CSMD3: variants seen among roughly 807,000 people sequenced by gnomAD.
CSMD3 encodes the protein CUB and Sushi multiple domains 3, also known as CUB and sushi domain-containing protein 3.
Under a neutral mutation model 435.2 loss-of-function variants are expected in CSMD3, and 177 were observed. That is an observed-to-expected ratio of 0.41 (90% confidence interval 0.36 to 0.46). The LOEUF (loss-of-function observed/expected upper bound fraction) is 0.46. CSMD3 is among the 20% of genes least tolerant of loss of function. The pLI is 0.34. For missense variants in CSMD3, 4,265 were observed against 4,504.6 expected (o/e 0.95, Z 1.52); for synonymous variants, 1,656 against 1,520.5 (o/e 1.09, Z -2.07).
intron 3 of CSMD3, among the ~76,000 whole-genome samples, chr8:113,224,749 C>T (rs1472059514): frequency 1.3e-5 from 2 of 150,928 alleles, no homozygotes; most frequent in Non-Finnish European, 3.0e-5. Context: ...AGAGGAGAGG[C>T]AATAGATGTG....
intron 5 of CSMD3, among the ~76,000 whole-genome samples, chr8:113,047,635 A>C (rs1346196754): frequency 6.6e-6 from 1 of 152,236 alleles, no homozygotes; most frequent in Non-Finnish European, 1.5e-5. Flanking sequence ...AGATGCAAGT[A>C]TCTTGTGATA....
intron 5 of CSMD3, among the ~76,000 whole-genome samples, chr8:113,035,555 T>C (rs2131262400): frequency 6.6e-6 from 1 of 152,036 alleles, no homozygotes; most frequent in East Asian, 1.9e-4. Flanking sequence ...AAATATTTAA[T>C]ATCTTTATTG....
chr8:112,594,101 A>T (rs1365208685), intron 22 of CSMD3, among the ~76,000 whole-genome samples: 3 of 152,132 alleles, frequency 2.0e-5, no homozygotes, highest in African/African-American at 7.2e-5. Context: ...TTTCCATCTG[A>T]GGTACCGGGT....
chr8:113,097,653 T>C (rs2090205051), intron 5 of CSMD3, among the ~76,000 whole-genome samples: 2 of 152,156 alleles, frequency 1.3e-5, no homozygotes, highest in Non-Finnish European at 2.9e-5. Flanking sequence ...ATAAGAAATA[T>C]AGTTGTCTAG....
rs2076939447 is a variant in CSMD3 at position 112,725,294 on chromosome 8, T to A, written c.1973-35244A>T. Among the ~76,000 whole-genome samples, 3 of 151,950 alleles carry A rather than the reference T, an allele frequency of 2.0e-5. No individual in the cohort carries two copies. In the South Asian group the frequency reaches 6.2e-4, roughly 31 times the overall value. ...GTAGGTTAGAAATAGTGGGGTTTAG[T>A]GTGCTAGTGGAAAGGAGTAGCTTTA... On this transcript the variant is annotated intron_variant, in intron 13 of 70. Transcript: ENST00000297405.
chr8:112,463,282 A>G (rs1337174855), intron 32 of CSMD3, among the ~76,000 whole-genome samples: 2 of 152,222 alleles, frequency 1.3e-5, no homozygotes, highest in Non-Finnish European at 2.9e-5. Flanking sequence ...GAATCACTTG[A>G]ACCCAAGAGG....
chr8:113,414,131 C>A (rs938387381), intron 1 of CSMD3, among the ~76,000 whole-genome samples: 1 of 152,156 alleles, frequency 6.6e-6, no homozygotes, highest in African/African-American at 2.4e-5. Flanking sequence ...AGGATAAGAT[C>A]TAGCTGTGCT....
intron 50 of CSMD3, chr8:112,310,711 T>G: frequency 3.9e-6 from 2 of 507,134 alleles, no homozygotes; most frequent in South Asian, 4.0e-5. Context: ...GTAACTGGAA[T>G]GGAGGATGTA....
chr8:112,345,842 A>G (rs1221194856), intron 41 of CSMD3, among the ~76,000 whole-genome samples: 1 of 150,824 alleles, frequency 6.6e-6, no homozygotes, highest in Non-Finnish European at 1.5e-5. Context: ...TTATTTGTCA[A>G]TTAAAAAATA....
At chr8:112,819,982 G>A (rs2079483549) in intron 12 of CSMD3, among the ~76,000 whole-genome samples, 1 of 152,122 alleles carries the variant, frequency 6.6e-6, no homozygotes, top group African/African-American at 2.4e-5. Flanking sequence ...GTTTTATGCT[G>A]TCTAGCTAAT....
intron 65 of CSMD3, among the ~76,000 whole-genome samples, chr8:112,242,527 G>C (rs1814268786): frequency 6.6e-6 from 1 of 152,030 alleles, no homozygotes; most frequent in East Asian, 1.9e-4. Flanking sequence ...TACTGAGTTA[G>C]AGTATGATAG....
intron 1 of CSMD3, among the ~76,000 whole-genome samples, chr8:113,320,219 C>T (rs575357785): frequency 2.0e-5 from 3 of 151,968 alleles, no homozygotes; most frequent in Non-Finnish European, 2.9e-5. Context: ...TTCATAGATT[C>T]GTGTTTTACA....
intron 3 of CSMD3, among the ~76,000 whole-genome samples, chr8:113,193,842 T>G (rs2092618133): frequency 6.6e-6 from 1 of 151,444 alleles, no homozygotes; most frequent in Non-Finnish European, 1.5e-5. Flanking sequence ...TGTTTATGAA[T>G]AAGTATGAAA....
chr8:113,352,376 A>G (rs1423193588), intron 1 of CSMD3, among the ~76,000 whole-genome samples: 1 of 152,128 alleles, frequency 6.6e-6, no homozygotes, highest in Non-Finnish European at 1.5e-5. Context: ...CACCATCAGA[A>G]GCTGGAAGAA....
At chr8:112,776,285 T>C (rs111331196) in intron 13 of CSMD3, among the ~76,000 whole-genome samples, 2,902 of 151,926 alleles carry the variant, frequency 0.019, 52 homozygotes, top group Middle Eastern at 0.048. Flanking sequence ...AAAATTATTA[T>C]TGTATTTTAC....
At chr8:113,304,212 A>G (rs1194982225) in intron 2 of CSMD3, among the ~76,000 whole-genome samples, 2 of 91,444 alleles carry the variant, frequency 2.2e-5, no homozygotes, top group African/African-American at 8.9e-5. Flanking sequence ...AACCACTATG[A>G]GATATCATCT....
intron 1 of CSMD3, among the ~76,000 whole-genome samples, chr8:113,370,996 T>C (rs1171963393): frequency 6.6e-6 from 1 of 152,090 alleles, no homozygotes; most frequent in East Asian, 1.9e-4. Context: ...AGCTTGGCCA[T>C]GAAGTTACAA....
chr8:113,070,821 C>A (rs548353678), intron 5 of CSMD3, among the ~76,000 whole-genome samples: 246 of 152,090 alleles, frequency 1.6e-3, no homozygotes, highest in African/African-American at 5.7e-3. Context: ...ATTTTATTTC[C>A]TGTGGATATA....
intron 8 of CSMD3, among the ~76,000 whole-genome samples, chr8:112,952,187 G>A (rs1387405723): frequency 2.6e-5 from 4 of 151,068 alleles, no homozygotes; most frequent in Non-Finnish European, 5.9e-5. Flanking sequence ...CCTTTTAACA[G>A]CCAAACTCTG....
Sources: gnomAD v4.1 joint callset for allele counts (sites outside exome capture counted in the v4.1 genomes callset) on GRCh38, gnomAD v4.1.1 for gene constraint, MANE v1.5 for transcripts, NCBI Gene and HGNC (gene_info 2026-07-23, HGNC 2026-07-21) for gene names.